Variants in FRMPD4 observed in about 807,000 individuals in gnomAD.
FRMPD4 encodes FERM and PDZ domain-containing protein 4.
FRMPD4 carries 22 observed loss-of-function variants against 94.1 expected under a neutral mutation model. The ratio of observed to expected loss-of-function variants is 0.23; its 90% CI spans 0.17 to 0.33. FRMPD4 has a LOEUF of 0.33. Ranked by LOEUF, FRMPD4 falls within the 10% of genes least tolerant of loss-of-function variation. FRMPD4 has a pLI of 1.00. For missense variants in FRMPD4, 1,111 were observed against 1,339.9 expected (o/e 0.83, Z 2.67); for synonymous variants, 631 against 548.6 (o/e 1.15, Z -2.10).
chrX:12,438,781 C>CT (rs1436769666), intron 1 of FRMPD4, among the ~76,000 whole-genome samples: 1 of 111,719 alleles, frequency 9.0e-6, no homozygotes, highest in Admixed American at 9.5e-5. Flanking sequence ...AATTACACAA[C>CT]TGCTGTGGAG....
At chrX:12,079,392 C>T (rs1438870034) in intron 3 of FRMPD4, among the ~76,000 whole-genome samples, 1 of 110,861 alleles carries the variant, frequency 9.0e-6, no homozygotes, top group Non-Finnish European at 1.9e-5. Context: ...TGAAGTTTTG[C>T]AACTTATATA....
At chrX:11,859,521 G>C (rs755928161) in intron 1 of FRMPD4, among the ~76,000 whole-genome samples, 1 of 111,949 alleles carries the variant, frequency 8.9e-6, no homozygotes, top group East Asian at 2.8e-4. Context: ...CATAAAGTAA[G>C]GAAGGCCATT....
chrX:12,090,094 T>G, intron 3 of FRMPD4, among the ~76,000 whole-genome samples: 1 of 111,516 alleles, frequency 9.0e-6, no homozygotes, highest in East Asian at 2.8e-4. Context: ...AGTGATATGG[T>G]TTGGACCTGT....
chrX:11,876,407 G>A (rs1307837401), intron 2 of FRMPD4, among the ~76,000 whole-genome samples: 1 of 109,130 alleles, frequency 9.2e-6, no homozygotes, highest in African/African-American at 3.4e-5. Context: ...CCCACCTGTG[G>A]TTGATAACAG....
At chrX:11,865,020 C>A (rs1166467162) in intron 1 of FRMPD4, among the ~76,000 whole-genome samples, 1 of 111,714 alleles carries the variant, frequency 9.0e-6, no homozygotes. Context: ...TTATGCTGTT[C>A]TTTAAAAATG....
chrX:12,257,754 C>T (rs1411074640), intron 1 of FRMPD4, among the ~76,000 whole-genome samples: 1 of 111,164 alleles, frequency 9.0e-6, no homozygotes, highest in African/African-American at 3.3e-5. Context: ...TTTTAGGTAC[C>T]CTGAAAAACT....
intron 1 of FRMPD4, among the ~76,000 whole-genome samples, chrX:12,310,791 A>C (rs10126858): frequency 8.9e-6 from 1 of 112,043 alleles, no homozygotes; most frequent in Non-Finnish European, 1.9e-5. Context: ...AAAATCAATG[A>C]TTAAATTTTC....
At chrX:12,345,198 A>G (rs1304668506) in intron 1 of FRMPD4, among the ~76,000 whole-genome samples, 3 of 108,357 alleles carry the variant, frequency 2.8e-5, no homozygotes, top group Middle Eastern at 4.7e-3. Context: ...GAATGAGTAG[A>G]TGGGTGGGTG....
chrX:12,378,823 T>C (rs190499673), intron 1 of FRMPD4, among the ~76,000 whole-genome samples: 6 of 112,133 alleles, frequency 5.4e-5, no homozygotes, highest in African/African-American at 1.9e-4. Context: ...CAGAACTTTA[T>C]TGTACTTCTG....
chrX:12,074,140 A>G (rs928749943), intron 3 of FRMPD4, among the ~76,000 whole-genome samples: 2 of 112,272 alleles, frequency 1.8e-5, no homozygotes, highest in African/African-American at 6.5e-5. Context: ...TGTTTGTTAT[A>G]CAGGAATAAT....
At chrX:12,580,070 T>G (rs1438500) in intron 2 of FRMPD4, among the ~76,000 whole-genome samples, 53,825 of 110,724 alleles carry the variant, frequency 0.49, 9,811 homozygotes, top group Non-Finnish European at 0.58. Flanking sequence ...AATATTTAAA[T>G]ACCACAAGGC....
chrX:12,668,262 TTTC>T (rs965197227), intron 4 of FRMPD4, among the ~76,000 whole-genome samples: 5 of 110,873 alleles, frequency 4.5e-5, no homozygotes, highest in African/African-American at 1.6e-4. Context: ...AGAGTTAATT[TTTC>T]TTGTTTGGCA....
chrX:12,480,356 A>G (rs2057666670), intron 1 of FRMPD4, among the ~76,000 whole-genome samples: 1 of 99,695 alleles, frequency 1.0e-5, no homozygotes. Context: ...AAAAAAAGCA[A>G]AATTTCCAAT....
chrX:12,131,588 A>G (rs2055552862), intron 3 of FRMPD4, among the ~76,000 whole-genome samples: 2 of 111,873 alleles, frequency 1.8e-5, no homozygotes, highest in Non-Finnish European at 3.8e-5. Flanking sequence ...TATGCCCCAT[A>G]TAGCATTTAA....
chrX:12,401,375 G>A (rs1272631507), intron 1 of FRMPD4, among the ~76,000 whole-genome samples: 1 of 108,641 alleles, frequency 9.2e-6, no homozygotes, highest in Non-Finnish European at 1.9e-5. Flanking sequence ...CTCATAGTTG[G>A]AGAATATCAT....
Position 12,484,674 on chromosome X carries a change from C to T in FRMPD4, c.42-14006C>T, listed in dbSNP as rs5934009. On this transcript the variant is annotated intron_variant, in intron 1 of 16. Transcript: ENST00000675598. ...AAACCTCTAGAGTTCAGTTTCATTC[C>T]ACCCTGTTTATTGAGCTCCAAGTTT... 2.2e-3 allele frequency among the ~76,000 whole-genome samples: 239 copies of T among 110,365 alleles called. 3 individuals carry two copies. The highest frequency in any genetic ancestry group is 0.018 in the Admixed American group (184 of 10,390).
At chrX:11,886,519 T>A (rs1169648559) in intron 3 of FRMPD4, among the ~76,000 whole-genome samples, 1 of 111,694 alleles carries the variant, frequency 9.0e-6, no homozygotes, top group Non-Finnish European at 1.9e-5. Context: ...AAGCTCACTC[T>A]CAGGTACAGA....
intron 2 of FRMPD4, among the ~76,000 whole-genome samples, chrX:12,539,280 G>A (rs2058377107): frequency 9.0e-6 from 1 of 111,662 alleles, no homozygotes; most frequent in Admixed American, 9.5e-5. Context: ...AAGAAATATG[G>A]GACTATGTGA....
intron 1 of FRMPD4, among the ~76,000 whole-genome samples, chrX:12,310,545 A>G (rs1285691115): frequency 8.9e-6 from 1 of 112,256 alleles, no homozygotes; most frequent in Non-Finnish European, 1.9e-5. Context: ...GTAAATAAAT[A>G]TCATTGTCAT....
Sources: gnomAD v4.1 joint callset for allele counts (sites outside exome capture counted in the v4.1 genomes callset) on GRCh38, gnomAD v4.1.1 for gene constraint, MANE v1.5 for transcripts, NCBI Gene and HGNC (gene_info 2026-07-23, HGNC 2026-07-21) for gene names.